Variants in PTBP3 observed in about 807,000 individuals in gnomAD.
PTBP3 encodes polypyrimidine tract-binding protein 3.
Under a neutral mutation model 58.7 loss-of-function variants are expected in PTBP3, and 20 were observed. The observed-to-expected ratio is 0.34, with a 90% confidence interval of 0.24 to 0.50. PTBP3 has a LOEUF of 0.50. PTBP3 is among the 20% of genes least tolerant of loss of function. The pLI, the probability that PTBP3 is intolerant of heterozygous loss-of-function variation, is 0.98. For synonymous variants in PTBP3, 185 were observed against 219.8 expected (o/e 0.84, Z 1.40); for missense variants, 509 against 637.2 (o/e 0.80, Z 2.17).
chr9:112,349,772 G>A, the PTBP3 span, among the ~76,000 whole-genome samples: 4 of 147,658 alleles, frequency 2.7e-5, no homozygotes, highest in Admixed American at 2.1e-4. Context: ...GCTGAGGCAC[G>A]AGAATCGCTT....
intron 3 of PTBP3, among the ~76,000 whole-genome samples, chr9:112,275,345 G>A (rs1361173562): frequency 6.6e-6 from 1 of 152,078 alleles, no homozygotes; most frequent in Non-Finnish European, 1.5e-5. Context: ...ATGTTGCCCA[G>A]GCTGATCTCG....
chr9:112,284,980 CTTTGGGGGATT>C (rs1223110367), intron 2 of PTBP3, among the ~76,000 whole-genome samples: 1 of 151,904 alleles, frequency 6.6e-6, no homozygotes, highest in East Asian at 1.9e-4. Flanking sequence ...TGAATTAAGA[CTTTGGGGGATT>C]GTTGGGAGGC....
Position 112,297,834 on chromosome 9 carries a change from T to C in PTBP3, c.32A>G (p.Tyr11Cys), listed in dbSNP as rs1275171468. MNSSTPSTGV[Y>C]ANGNDSKKFK... is the part of the protein sequence containing the mutation. ...TTAAAAAAAAAAAAAAAACTCACCA[T>C]ACACACCTGTAGAAGGAGTAGAACT... Residue 11 changes from tyrosine (Y) to cysteine (C), a missense_variant and splice_region_variant, in exon 2 of 14, where the codon TAT (tyrosine) becomes TGT (cysteine). Coordinates refer to ENST00000374257, the MANE Select transcript of PTBP3 (RefSeq NM_001163788.4). The C allele has an allele frequency of 6.6e-7, 1 of 1,523,272 alleles. No individual in the cohort carries two copies. The highest frequency in any genetic ancestry group is 8.9e-7 in the Non-Finnish European group (1 of 1,129,416). The allele number at this position is 1,523,272 out of a possible 1,614,324, so 94.4% of individuals were successfully genotyped here.
At chr9:112,368,692 C>T in the PTBP3 span, among the ~76,000 whole-genome samples, 3 of 152,286 alleles carry the variant, frequency 2.0e-5, no homozygotes, top group Middle Eastern at 3.4e-3. Context: ...GGAGTGTATG[C>T]AGCACTAGTG....
At chr9:112,277,267 C>T (rs991032897) in intron 2 of PTBP3, among the ~76,000 whole-genome samples, 2 of 152,158 alleles carry the variant, frequency 1.3e-5, no homozygotes, top group Non-Finnish European at 2.9e-5. Context: ...TACAGGTCTG[C>T]GTACCTTTAT....
the PTBP3 span, among the ~76,000 whole-genome samples, chr9:112,375,179 T>C: frequency 6.6e-6 from 1 of 152,198 alleles, no homozygotes; most frequent in African/African-American, 2.4e-5. Flanking sequence ...CACCCGTTGG[T>C]TAGCACTTCA....
At chr9:112,356,232 G>A in the PTBP3 span, among the ~76,000 whole-genome samples, 1 of 152,072 alleles carries the variant, frequency 6.6e-6, no homozygotes. Context: ...ACCCGCCTCG[G>A]CGTCCCAAAG....
chr9:112,272,263 T>C (rs1196521760), intron 3 of PTBP3, among the ~76,000 whole-genome samples: 2 of 152,056 alleles, frequency 1.3e-5, no homozygotes, highest in Non-Finnish European at 1.5e-5. Context: ...GAGGTCTCAC[T>C]ATACTGCCCA....
rs1276467520 is a variant in PTBP3, at chr9:112,268,728, A to AT, written c.205-534_205-533insA. On this transcript the variant is annotated intron_variant, in intron 3 of 13. Transcript: ENST00000374257. ...ACACCGTCTCAAAAAAAAAAAAAAA[A>AT]AAAAAAAGGATTTAACTGCCAGTTG... 2.2e-3 allele frequency among the ~76,000 whole-genome samples: 319 copies of AT among 148,098 alleles called. 2 individuals carry two copies. Among genetic ancestry groups the AT allele is most frequent in the East Asian group, 7.4e-3 (38 of 5,104 alleles).
the PTBP3 span, among the ~76,000 whole-genome samples, chr9:112,363,282 C>T: frequency 1.3e-5 from 2 of 151,986 alleles, no homozygotes; most frequent in East Asian, 1.9e-4. Context: ...TGGTAGCACA[C>T]GCTTGTGATC....
intron 3 of PTBP3, among the ~76,000 whole-genome samples, 154 bp downstream of exon 3, chr9:112,275,688 CCT>C (rs1172637184): frequency 2.0e-5 from 3 of 151,964 alleles, no homozygotes; most frequent in African/African-American, 7.3e-5. Flanking sequence ...TTTGTTGCTT[CCT>C]GTTACACCCC....
chr9:112,377,654 G>C, the PTBP3 span, among the ~76,000 whole-genome samples: 7 of 152,228 alleles, frequency 4.6e-5, no homozygotes, highest in African/African-American at 9.6e-5. Flanking sequence ...TTGGGAGAAT[G>C]TGTTGTAACC....
chr9:112,218,482 A>G lies in PTBP3; in HGVS notation c.*5369T>C, dbSNP rs1834695285. Reference sequence around the variant, plus strand: ...TGACATTTATTAAAAGGCATGCTACAATGCTATATTTGTTAGGAAAAGAGA... The same window carrying G: ...TGACATTTATTAAAAGGCATGCTACGATGCTATATTTGTTAGGAAAAGAGA... On this transcript the variant is annotated 3_prime_UTR_variant, in exon 14 of 14. Coordinates refer to ENST00000374257, the MANE Select transcript of PTBP3 (RefSeq NM_001163788.4). The G allele has an allele frequency of 6.5e-6, 1 of 152,776 alleles. No individual in the cohort carries two copies. Among genetic ancestry groups the G allele is most frequent in the Non-Finnish European group, 1.5e-5 (1 of 68,038 alleles). 9.5% of individuals were successfully genotyped at this position (152,776 alleles called of 1,614,324 possible).
At chr9:112,289,708 G>A (rs1291048548) in intron 2 of PTBP3, among the ~76,000 whole-genome samples, 1 of 152,138 alleles carries the variant, frequency 6.6e-6, no homozygotes, top group Non-Finnish European at 1.5e-5. Context: ...CTTGAGCCTG[G>A]GAGGTCGAGG....
At chr9:112,252,338 G>A (rs532288298) in intron 6 of PTBP3, 5 of 290,308 alleles carry the variant, frequency 1.7e-5, no homozygotes, top group African/African-American at 1.1e-4. Flanking sequence ...GTTAGTACTT[G>A]GATGGGAGAA....
In PTBP3 at chr9:112,298,802, C is replaced by T. The variant is rs149132867; in HGVS notation, c.-51-886G>A. Among the ~76,000 whole-genome samples the T allele has an allele frequency of 1.4e-3, 207 of 152,236 alleles. 1 individual carries two copies. Among genetic ancestry groups the T allele is most frequent in the South Asian group, 4.8e-3 (23 of 4,828 alleles). On this transcript the variant is annotated intron_variant, in intron 1 of 13. Transcript: ENST00000374257. The stretch of plus-strand genomic sequence containing the variant: ...TAGCCTTTGCTGAAGAAAGACAAAC[C>T]ACCAATATATCTATATAATAGAAAT...
At chr9:112,252,569 A>C in intron 6 of PTBP3, 109 bp downstream of exon 6, 1 of 771,388 alleles carries the variant, frequency 1.3e-6, no homozygotes, top group South Asian at 1.6e-5. Context: ...AATGGTAAAC[A>C]TGTATATTTT....
chr9:112,260,882 G>A (rs1316414664), intron 5 of PTBP3, among the ~76,000 whole-genome samples: 1 of 152,206 alleles, frequency 6.6e-6, no homozygotes, highest in Non-Finnish European at 1.5e-5. Flanking sequence ...CTCTTCACCT[G>A]AAGGTCACCA....
the PTBP3 span, among the ~76,000 whole-genome samples, chr9:112,356,328 CA>C: frequency 6.6e-6 from 1 of 152,116 alleles, no homozygotes; most frequent in Non-Finnish European, 1.5e-5. Context: ...GCATCTTCCA[CA>C]TACGTCTCAT....
Sources: allele counts gnomAD v4.1 joint callset (sites outside exome capture counted in the v4.1 genomes callset), GRCh38; gene constraint gnomAD v4.1.1; transcripts MANE v1.5; gene names NCBI Gene and HGNC (gene_info 2026-07-23, HGNC 2026-07-21).